The following TNRC6A variants were observed in gnomAD, a reference collection of about 807,000 sequenced individuals.
TNRC6A encodes trinucleotide repeat-containing gene 6A protein.
TNRC6A carries 44 observed loss-of-function variants against 221.2 expected under a neutral mutation model. The ratio of observed to expected loss-of-function variants is 0.20; its 90% CI spans 0.16 to 0.26. TNRC6A has a LOEUF of 0.26. Ranked by LOEUF, TNRC6A falls within the 10% of genes least tolerant of loss-of-function variation. TNRC6A has a pLI of 1.00. For missense variants in TNRC6A, 2,199 were observed against 2,404.4 expected (o/e 0.91, Z 1.79); for synonymous variants, 847 against 838.5 (o/e 1.01, Z -0.18).
intron 3 of TNRC6A, among the ~76,000 whole-genome samples, chr16:24,757,494 G>A (rs867547268): frequency 1.3e-5 from 2 of 152,042 alleles, no homozygotes; most frequent in East Asian, 1.9e-4. Flanking sequence ...TCCTGTTCTT[G>A]TATCTGTTAT....
At chr16:24,701,974 GA>G (rs997015059) in intron 2 of TNRC6A, among the ~76,000 whole-genome samples, 1 of 150,814 alleles carries the variant, frequency 6.6e-6, no homozygotes, top group Non-Finnish European at 1.5e-5. Flanking sequence ...TTCCTGTACT[GA>G]AAAAAAACAA....
At chr16:24,701,323 C>T (rs2055969465) in intron 2 of TNRC6A, among the ~76,000 whole-genome samples, 1 of 151,638 alleles carries the variant, frequency 6.6e-6, no homozygotes, top group Non-Finnish European at 1.5e-5. Flanking sequence ...CCAAGCCTCT[C>T]TGAGTCTGAG....
Position 24,777,228 on chromosome 16 carries a change from G to T in TNRC6A, c.459G>T (p.Gln153His). The T allele has an allele frequency of 6.2e-7, 1 of 1,614,178 alleles. No individual in the cohort carries two copies. The highest frequency in any genetic ancestry group is 8.5e-7 in the Non-Finnish European group (1 of 1,180,030). The change falls in exon 5 of 25, where the codon CAG becomes CAT. Residue 153 changes from glutamine to histidine, a missense_variant. Physicochemically the swap from Gln to His is conservative, Grantham distance 24. Around this residue, in one of 8 missense-constraint regions of TNRC6A, gnomAD observed 1,405 missense variants for 1,400.2 expected, o/e 1.00. Transcript: ENST00000395799. Reference sequence around the variant, plus strand: ...ACAAACAGCTTCTAAAGAGGGGTCAGCATTTTCCTGTTATAGCAGCAAACC... The same window carrying T: ...ACAAACAGCTTCTAAAGAGGGGTCATCATTTTCCTGTTATAGCAGCAAACC... Reference protein sequence around the residue: ...QEHKQLLKRGQHFPVIAANLG... With the variant: ...QEHKQLLKRGHHFPVIAANLG...
At chr16:24,797,451 A>G (rs1418229423) in intron 9 of TNRC6A, 39 bp from the exon 10 acceptor site, 9 of 1,490,314 alleles carry the variant, frequency 6.0e-6, no homozygotes, top group Non-Finnish European at 8.3e-6. Context: ...ATAAACAGAG[A>G]TGGCCATGGC....
At chr16:24,752,355 A>T (rs149466074) in intron 3 of TNRC6A, among the ~76,000 whole-genome samples, 2 of 152,352 alleles carry the variant, frequency 1.3e-5, no homozygotes, top group East Asian at 3.9e-4. Context: ...TCAGTTCTGC[A>T]TGTCCTGAGC....
In TNRC6A at chr16:24,822,965, G is replaced by A. The variant is rs773351733; in HGVS notation, c.5465G>A (p.Arg1822His). 1 of 1,614,202 alleles carries A rather than the reference G, an allele frequency of 6.2e-7. No homozygotes were observed. Among genetic ancestry groups the A allele is most frequent in the Non-Finnish European group, 8.5e-7 (1 of 1,180,038 alleles). Reference protein sequence around the residue: ...LNLPHGNALVRYSSKEEVVKA... With the variant: ...LNLPHGNALVHYSSKEEVVKA... Reference sequence around the variant, plus strand: ...CTCCCTCACGGAAATGCTCTGGTCCGCTACAGTTCAAAAGAAGAGGTAGTG... The same window carrying A: ...CTCCCTCACGGAAATGCTCTGGTCCACTACAGTTCAAAAGAAGAGGTAGTG... The change falls in exon 24 of 25, where the codon CGC becomes CAC. Residue 1822 changes from arginine to histidine, a missense_variant. Physicochemically the swap from Arg to His is conservative, Grantham distance 29. Around this residue, in one of 8 missense-constraint regions of TNRC6A, gnomAD observed 27 missense variants for 66.0 expected, o/e 0.41. Coordinates refer to ENST00000395799, the MANE Select transcript of TNRC6A (RefSeq NM_014494.4).
intron 2 of TNRC6A, among the ~76,000 whole-genome samples, chr16:24,698,026 A>AT (rs1228226720): frequency 2.0e-5 from 3 of 151,314 alleles, no homozygotes; most frequent in African/African-American, 7.3e-5. Flanking sequence ...TGTCTCAAAA[A>AT]AAAAAAAAAA....
At chr16:24,776,902 T>A in intron 4 of TNRC6A, 31 bp from the exon 5 acceptor site, 2 of 1,590,004 alleles carry the variant, frequency 1.3e-6, no homozygotes, top group Non-Finnish European at 1.7e-6. Context: ...CTGGCTAATC[T>A]TTTCCACCCC....
At chr16:24,724,521 G>A (rs540197930) in intron 2 of TNRC6A, among the ~76,000 whole-genome samples, 5 of 152,206 alleles carry the variant, frequency 3.3e-5, no homozygotes, top group East Asian at 1.9e-4. Context: ...CGAGGCAGGC[G>A]GATCACCTGA....
intron 2 of TNRC6A, among the ~76,000 whole-genome samples, chr16:24,743,751 C>G (rs1230782233): frequency 6.6e-6 from 1 of 152,164 alleles, no homozygotes; most frequent in African/African-American, 2.4e-5. Flanking sequence ...TTTATACATA[C>G]TGTTTTTTAC....
At chr16:24,702,426 C>T (rs1040284437) in intron 2 of TNRC6A, among the ~76,000 whole-genome samples, 19 of 151,946 alleles carry the variant, frequency 1.3e-4, no homozygotes, top group African/African-American at 4.3e-4. Flanking sequence ...AAGCCACCCA[C>T]CTCAGCCTCC....
chr16:24,767,845 G>A (rs2057506182), intron 4 of TNRC6A, among the ~76,000 whole-genome samples: 1 of 152,092 alleles, frequency 6.6e-6, no homozygotes, highest in South Asian at 2.1e-4. Flanking sequence ...CTACTTGAAT[G>A]TTCAGGTATT....
intron 2 of TNRC6A, among the ~76,000 whole-genome samples, chr16:24,675,481 G>A (rs1357526445): frequency 6.6e-6 from 1 of 151,714 alleles, no homozygotes; most frequent in Non-Finnish European, 1.5e-5. Flanking sequence ...AGGAGTTCAA[G>A]ACCAGCCTGA....
intron 4 of TNRC6A, among the ~76,000 whole-genome samples, chr16:24,769,784 T>G (rs2057552575): frequency 6.6e-6 from 1 of 152,230 alleles, no homozygotes; most frequent in Admixed American, 6.5e-5. Context: ...TTACTGGTTC[T>G]TCATTATTGC....
chr16:24,812,594 C>G (rs1051349413), intron 18 of TNRC6A, among the ~76,000 whole-genome samples: 8 of 151,990 alleles, frequency 5.3e-5, no homozygotes, highest in African/African-American at 1.9e-4. Flanking sequence ...TTAGATACAC[C>G]CTTCTGTTAC....
At chr16:24,720,407 G>A (rs1337576673) in intron 2 of TNRC6A, among the ~76,000 whole-genome samples, 4 of 151,986 alleles carry the variant, frequency 2.6e-5, no homozygotes, top group Non-Finnish European at 5.9e-5. Context: ...AAGAAAAAGA[G>A]GTCAGGTGTG....
chr16:24,617,552 T>C lies in TNRC6A; in HGVS notation n.276+7068T>C, dbSNP rs59735817. Among the ~76,000 whole-genome samples, 172 of 152,354 alleles carry C rather than the reference T, an allele frequency of 1.1e-3. No individual in the cohort carries two copies. In the East Asian group the frequency reaches 0.02, roughly 18 times the overall value. On this transcript the variant is annotated intron_variant and non_coding_transcript_variant, in intron 1 of 2. Coordinates refer to the TNRC6A transcript ENST00000566108. ...TGCTTCTTTTATTAATTGTATTATT[T>C]ATACAACAAACTTATATAGCACTTA...
chr16:24,711,872 G>T (rs2056212358), intron 2 of TNRC6A, among the ~76,000 whole-genome samples: 1 of 151,832 alleles, frequency 6.6e-6, no homozygotes, highest in Admixed American at 6.6e-5. Context: ...TGTTGCCCGG[G>T]CTAGTCTCAA....
chr16:24,647,905 C>T (rs942505777), intron 2 of TNRC6A, among the ~76,000 whole-genome samples: 1 of 152,134 alleles, frequency 6.6e-6, no homozygotes, highest in Admixed American at 6.6e-5. Context: ...GCCACTGCAC[C>T]CAGCCTATTT....
Sources: allele counts gnomAD v4.1 joint callset (sites outside exome capture counted in the v4.1 genomes callset), GRCh38; gene constraint gnomAD v4.1.1; regional missense constraint gnomAD v4.1.1; transcripts MANE v1.5; gene names NCBI Gene and HGNC (gene_info 2026-07-23, HGNC 2026-07-21).